Variants in GRIA4 observed in about 807,000 individuals in gnomAD.
GRIA4 encodes glutamate receptor 4.
Under a neutral mutation model 104.0 loss-of-function variants are expected in GRIA4, and 34 were observed. The observed-to-expected ratio is 0.33, with a 90% CI of 0.25 to 0.44. GRIA4 has a LOEUF of 0.44. Ranked by LOEUF, GRIA4 falls within the 20% of genes least tolerant of loss-of-function variation. The pLI is 1.00. For missense variants in GRIA4, 750 were observed against 1,096.5 expected (o/e 0.68, Z 4.46); for synonymous variants, 386 against 381.9 (o/e 1.01, Z -0.13).
intron 3 of GRIA4, among the ~76,000 whole-genome samples, chr11:105,703,368 T>C (rs1953574248): frequency 6.6e-6 from 1 of 152,138 alleles, no homozygotes; most frequent in African/African-American, 2.4e-5. Flanking sequence ...TGAAAAATAA[T>C]GTAGCCTTAC....
chr11:105,735,968 C>G (rs935984516), intron 3 of GRIA4, among the ~76,000 whole-genome samples: 1 of 152,090 alleles, frequency 6.6e-6, no homozygotes, highest in Admixed American at 6.6e-5. Flanking sequence ...CAGCAATTGT[C>G]CCAGAAAACT....
chr11:105,695,502 CTGTG>C (rs68177643), intron 3 of GRIA4, among the ~76,000 whole-genome samples: 66,123 of 143,172 alleles, frequency 0.46, 14,578 homozygotes, highest in East Asian at 0.58. Context: ...GTGTGTGTGT[CTGTG>C]TGTGTGTGCG....
At chr11:105,704,064 A>G (rs562746456) in intron 3 of GRIA4, among the ~76,000 whole-genome samples, 1 of 152,160 alleles carries the variant, frequency 6.6e-6, no homozygotes, top group South Asian at 2.1e-4. Context: ...TGCTTATTCA[A>G]TACAAATTAA....
chr11:105,852,336 A>G (rs1472525613), intron 4 of GRIA4, among the ~76,000 whole-genome samples: 1 of 152,190 alleles, frequency 6.6e-6, no homozygotes, highest in Non-Finnish European at 1.5e-5. Flanking sequence ...CAGCAGCCTT[A>G]TAAGTTACTC....
Position 105,912,372 on chromosome 11 carries a change from AT to A in GRIA4, c.1269+1828del, listed in dbSNP as rs1473096779. The A allele has an allele frequency of 4.1e-6, 4 of 967,458 alleles. No homozygotes were observed. In the Admixed American group the frequency reaches 2.5e-4, roughly 60 times the overall value. 59.9% of individuals were successfully genotyped at this position (967,458 alleles called of 1,614,324 possible). The stretch of plus-strand genomic sequence containing the variant: ...GTGCATTATAGGTATGATATAGAGA[AT>A]CTCCTTTCCATCCTTGTTACTAAAG... On this transcript the variant is annotated intron_variant, in intron 10 of 16. Transcript: ENST00000282499.
chr11:105,979,247 C>T (rs1279670503), intron 16 of GRIA4, among the ~76,000 whole-genome samples: 4 of 152,156 alleles, frequency 2.6e-5, no homozygotes, highest in Non-Finnish European at 4.4e-5. Flanking sequence ...CATAAAAGAG[C>T]TTTTAAGCTC....
At chr11:105,791,370 A>G (rs554657985) in intron 4 of GRIA4, among the ~76,000 whole-genome samples, 2 of 152,340 alleles carry the variant, frequency 1.3e-5, no homozygotes, top group African/African-American at 4.8e-5. Context: ...GTTGGTCTCA[A>G]CAAAAAACAA....
At chr11:105,687,935 T>A (rs773112953) in intron 3 of GRIA4, among the ~76,000 whole-genome samples, 1 of 152,194 alleles carries the variant, frequency 6.6e-6, no homozygotes, top group Non-Finnish European at 1.5e-5. Flanking sequence ...TTCATTTCCA[T>A]CAACACCAAT....
intron 3 of GRIA4, among the ~76,000 whole-genome samples, chr11:105,725,622 C>A (rs1938148995): frequency 6.6e-6 from 1 of 152,110 alleles, no homozygotes; most frequent in Admixed American, 6.5e-5. Flanking sequence ...TGAATAGGAA[C>A]AGCTCTGGTC....
In GRIA4 at chr11:105,776,442, T is replaced by C. The variant is rs73540345; in HGVS notation, c.487+23222T>C. Among the ~76,000 whole-genome samples, 255 of 152,310 alleles carry C rather than the reference T, an allele frequency of 1.7e-3. 2 individuals carry two copies. Among genetic ancestry groups the C allele is most frequent in the African/African-American group, 5.9e-3 (244 of 41,578 alleles). The stretch of plus-strand genomic sequence containing the variant: ...AAAAAATAGAACAGTATATTCTTTG[T>C]GACATATGTATGGAAAAATAGATAG... On this transcript the variant is annotated intron_variant, in intron 4 of 16. Transcript: ENST00000282499.
chr11:105,891,373 T>C (rs761267525), intron 6 of GRIA4, among the ~76,000 whole-genome samples: 4 of 152,184 alleles, frequency 2.6e-5, no homozygotes, highest in Non-Finnish European at 4.4e-5. Flanking sequence ...TTTACCACCA[T>C]CTTTCAGAGT....
At chr11:105,827,512 T>TA (rs2135922378) in intron 4 of GRIA4, among the ~76,000 whole-genome samples, 1 of 152,150 alleles carries the variant, frequency 6.6e-6, no homozygotes, top group South Asian at 2.1e-4. Flanking sequence ...AGAGGTTTAC[T>TA]AAAATGTTCT....
chr11:105,734,341 C>G (rs1938799979), intron 3 of GRIA4, among the ~76,000 whole-genome samples: 1 of 152,070 alleles, frequency 6.6e-6, no homozygotes, highest in African/African-American at 2.4e-5. Flanking sequence ...ATTAATTCTA[C>G]TCACTAAATA....
intron 7 of GRIA4, among the ~76,000 whole-genome samples, 186 bp from the exon 8 acceptor site, chr11:105,903,628 G>C (rs529768680): frequency 1.3e-5 from 2 of 152,232 alleles, no homozygotes; most frequent in African/African-American, 4.8e-5. Flanking sequence ...ATAAGATTTG[G>C]TATACAGGCT....
chr11:105,826,890 G>C (rs1252517824), intron 4 of GRIA4, among the ~76,000 whole-genome samples: 3 of 151,942 alleles, frequency 2.0e-5, no homozygotes, highest in Non-Finnish European at 4.4e-5. Flanking sequence ...CTATTCTTTG[G>C]TCAGCAACCA....
At chr11:105,856,034 T>C (rs1048671607) in intron 4 of GRIA4, among the ~76,000 whole-genome samples, 1 of 152,160 alleles carries the variant, frequency 6.6e-6, no homozygotes, top group Non-Finnish European at 1.5e-5. Context: ...AAATCATCTC[T>C]CTATGATTTA....
At position 105,643,801 on chromosome 11, in the gene GRIA4, C is replaced by G. The variant is rs111326013; in HGVS notation, c.247+31367C>G. Among the ~76,000 whole-genome samples, 1,436 of 152,302 alleles carry G rather than the reference C, an allele frequency of 9.4e-3. 35 individuals are homozygous for G. The highest frequency in any genetic ancestry group is 0.033 in the African/African-American group (1,356 of 41,588). On this transcript the variant is annotated intron_variant, in intron 3 of 16. Coordinates refer to ENST00000282499, the MANE Select transcript of GRIA4 (RefSeq NM_000829.4). ...TGACATCATCTCTGCTCAGTGCAAC[C>G]TCTGCCTCCCAGGTTGAAGCGATTC...
chr11:105,979,490 G>A (rs916815727), intron 16 of GRIA4, 85 bp from the exon 17 acceptor site: 43 of 1,137,160 alleles, frequency 3.8e-5, no homozygotes, highest in African/African-American at 2.9e-4. Context: ...TTTATATTTC[G>A]GTGTTTGTTG....
chr11:105,860,225 C>T (rs1424511457), intron 4 of GRIA4, among the ~76,000 whole-genome samples: 1 of 152,038 alleles, frequency 6.6e-6, no homozygotes, highest in Admixed American at 6.6e-5. Flanking sequence ...ATTTATATTT[C>T]AAATATGATC....
Sources: gnomAD v4.1 joint callset for allele counts (sites outside exome capture counted in the v4.1 genomes callset) on GRCh38, gnomAD v4.1.1 for gene constraint, MANE v1.5 for transcripts, NCBI Gene and HGNC (gene_info 2026-07-23, HGNC 2026-07-21) for gene names.